The following ZNF678 variants were observed in gnomAD, a reference collection of about 807,000 sequenced individuals.
ZNF678 encodes the protein zinc finger protein 678.
ZNF678 carries 5 observed loss-of-function variants against 3.0 expected under a neutral mutation model. That is an observed-to-expected ratio of 1.69 (90% CI 0.88 to 3.56). ZNF678 has a LOEUF of 3.56. ZNF678 is among the 30% of genes most tolerant of loss of function. The pLI is 0.00. For missense variants in ZNF678, 593 were observed against 605.0 expected, an observed-to-expected ratio of 0.98 and a Z score of 0.21; for synonymous variants, 218 against 199.6, an observed-to-expected ratio of 1.09 and a Z score of -0.78.
At chr1:227,628,053 G>A (rs756972025) in intron 1 of ZNF678, among the ~76,000 whole-genome samples, 13 of 152,332 alleles carry the variant, frequency 8.5e-5, no homozygotes, top group African/African-American at 3.1e-4. Context: ...GCAAATGGTT[G>A]TCTGACAGCC....
chr1:227,645,082 A>G (rs1658921678), intron 1 of ZNF678, among the ~76,000 whole-genome samples: 1 of 152,208 alleles, frequency 6.6e-6, no homozygotes. Flanking sequence ...TAGCAGGAAA[A>G]TGAAAACTCA....
At chr1:227,676,915 C>A (rs1310030262) in intron 5 of ZNF678, among the ~76,000 whole-genome samples, 1 of 152,018 alleles carries the variant, frequency 6.6e-6, no homozygotes, top group Admixed American at 6.6e-5. Context: ...TTAATCCAGT[C>A]TATCATTGTT....
chr1:227,639,090 TCCTTGCTGGGGGC>T (rs1658753078), intron 1 of ZNF678, among the ~76,000 whole-genome samples: 3 of 152,032 alleles, frequency 2.0e-5, no homozygotes, highest in East Asian at 1.9e-4. Context: ...ATGGGGGCGG[TCCTTGCTGGGGGC>T]GGTCCTTGCT....
intron 1 of ZNF678, among the ~76,000 whole-genome samples, chr1:227,615,957 A>G (rs1365581664): frequency 6.6e-6 from 1 of 152,186 alleles, no homozygotes; most frequent in East Asian, 1.9e-4. Flanking sequence ...CACGGGACCT[A>G]TAATGCCCTC....
chr1:227,622,811 G>T (rs1044135664), intron 1 of ZNF678, among the ~76,000 whole-genome samples: 2 of 152,122 alleles, frequency 1.3e-5, no homozygotes, highest in African/African-American at 4.8e-5. Flanking sequence ...TTCTCTAGGA[G>T]CCCCCAGCCA....
At chr1:227,636,676 C>G (rs114904718) in intron 1 of ZNF678, among the ~76,000 whole-genome samples, 1 of 152,136 alleles carries the variant, frequency 6.6e-6, no homozygotes, top group Admixed American at 6.5e-5. Context: ...TTATTATATA[C>G]AGGGACTCCG....
intron 1 of ZNF678, among the ~76,000 whole-genome samples, chr1:227,574,033 A>T (rs1656924938): frequency 6.6e-6 from 1 of 152,194 alleles, no homozygotes; most frequent in African/African-American, 2.4e-5. Flanking sequence ...CTAGGATTTC[A>T]TGGTGTATAT....
At chr1:227,599,142 ACATATTCCTC>A in intron 1 of ZNF678, 1 of 1,359,942 alleles carries the variant, frequency 7.4e-7, no homozygotes, top group Non-Finnish European at 1.0e-6. Context: ...AGGATGTAGA[ACATATTCCTC>A]CAGTTCTAGA....
intron 3 of ZNF678, among the ~76,000 whole-genome samples, chr1:227,653,247 T>C (rs1038649936): frequency 2.6e-4 from 39 of 152,134 alleles, no homozygotes; most frequent in African/African-American, 8.2e-4. Context: ...TTATGGTTCT[T>C]TTTGTGTTTA....
intron 1 of ZNF678, among the ~76,000 whole-genome samples, chr1:227,630,651 C>G (rs1470827324): frequency 6.6e-6 from 1 of 152,192 alleles, no homozygotes; most frequent in Non-Finnish European, 1.5e-5. Context: ...TACATGCACT[C>G]TGACTGGGCC....
rs1265386727 is a variant in ZNF678 at position 227,653,420 on chromosome 1, C to A, written c.86-916C>A. Among the ~76,000 whole-genome samples, 2 of 151,984 alleles carry A rather than the reference C, an allele frequency of 1.3e-5. 1 individual carries two copies. The highest frequency in any genetic ancestry group is 4.8e-5 in the African/African-American group (2 of 41,422). Reference sequence around the variant, plus strand: ...CATTCCCATTTCACTTATTGAGCATCATTCAGATGAGTCATTTGAATTTTT... The same window carrying A: ...CATTCCCATTTCACTTATTGAGCATAATTCAGATGAGTCATTTGAATTTTT... On this transcript the variant is annotated intron_variant, in intron 3 of 3. Coordinates refer to ENST00000343776, the MANE Select transcript of ZNF678 (RefSeq NM_001367909.1).
chr1:227,613,379 A>T (rs1016787990), intron 1 of ZNF678, among the ~76,000 whole-genome samples: 5 of 152,090 alleles, frequency 3.3e-5, no homozygotes, highest in African/African-American at 1.2e-4. Context: ...TGCTACCCAC[A>T]ACTTTGGGCA....
intron 1 of ZNF678, among the ~76,000 whole-genome samples, chr1:227,623,066 C>A (rs960024313): frequency 2.6e-5 from 4 of 152,230 alleles, no homozygotes; most frequent in African/African-American, 9.6e-5. Flanking sequence ...CTCTCCTGAG[C>A]CTTCACACAC....
chr1:227,596,069 T>A (rs1657578747), intron 1 of ZNF678, among the ~76,000 whole-genome samples: 1 of 148,356 alleles, frequency 6.7e-6, no homozygotes. Flanking sequence ...GCATTGATCC[T>A]CCATGGGAGC....
chr1:227,590,014 T>C (rs780269876), intron 1 of ZNF678, among the ~76,000 whole-genome samples: 12 of 151,854 alleles, frequency 7.9e-5, no homozygotes, highest in East Asian at 1.9e-4. Context: ...TGATTTATTG[T>C]AATACACTTC....
chr1:227,609,248 A>G (rs1466213178), intron 1 of ZNF678, among the ~76,000 whole-genome samples: 1 of 152,200 alleles, frequency 6.6e-6, no homozygotes, highest in African/African-American at 2.4e-5. Flanking sequence ...AGATCAAGGA[A>G]AAACAAACTT....
intron 5 of ZNF678, among the ~76,000 whole-genome samples, chr1:227,673,293 A>G (rs1659631442): frequency 6.6e-6 from 1 of 152,162 alleles, no homozygotes; most frequent in Non-Finnish European, 1.5e-5. Context: ...TTTTTGCTAC[A>G]CTGGAGGGCT....
At chr1:227,652,906 A>G (rs981881332) in intron 3 of ZNF678, among the ~76,000 whole-genome samples, 6 of 152,058 alleles carry the variant, frequency 3.9e-5, no homozygotes, top group African/African-American at 1.2e-4. Context: ...TTTATTTTCA[A>G]TGGGCTGGAG....
chr1:227,605,648 A>T (rs1054823395), intron 1 of ZNF678, among the ~76,000 whole-genome samples: 1 of 152,062 alleles, frequency 6.6e-6, no homozygotes, highest in Non-Finnish European at 1.5e-5. Context: ...TTTAGCCAAA[A>T]TTTTTTTCTG....
Sources: gnomAD v4.1 joint callset for allele counts (sites outside exome capture counted in the v4.1 genomes callset) on GRCh38, gnomAD v4.1.1 for gene constraint, MANE v1.5 for transcripts, NCBI Gene and HGNC (gene_info 2026-07-23, HGNC 2026-07-21) for gene names.